Variants in CCND3 observed in about 807,000 individuals in gnomAD.
The protein encoded by CCND3 is cyclin D3, also known as G1/S-specific cyclin-D3.
Under a neutral mutation model 28.7 loss-of-function variants are expected in CCND3, and 9 were observed. That is an observed-to-expected ratio of 0.31 (90% CI 0.19 to 0.55). The LOEUF (loss-of-function observed/expected upper bound fraction) is 0.55, where lower values mean the gene tolerates loss of function less well. Among genes scored for constraint, CCND3 ranks in the 20% least tolerant of loss-of-function variants. The pLI, the probability that CCND3 is intolerant of heterozygous loss-of-function variation, is 0.93. For synonymous variants in CCND3, 164 were observed against 163.9 expected (o/e 1.00, Z 0.00); for missense variants, 315 against 385.8 (o/e 0.82, Z 1.54).
At chr6:41,951,437 CCAGCTACT>C (rs70987546) in intron 1 of CCND3, among the ~76,000 whole-genome samples, 87,046 of 148,566 alleles carry the variant, frequency 0.59, 25,973 homozygotes, top group African/African-American at 0.71. Context: ...GCCTGTAGTC[CCAGCTACT>C]CAGCTACTCG....
chr6:41,987,784 G>GA (rs1762532537), intron 1 of CCND3, among the ~76,000 whole-genome samples: 1 of 151,564 alleles, frequency 6.6e-6, no homozygotes, highest in Admixed American at 6.6e-5. Context: ...TTACAGGTGT[G>GA]AGCCAGCATG....
At chr6:42,036,666 AGT>A (rs1561998249) in intron 1 of CCND3, among the ~76,000 whole-genome samples, 1 of 151,692 alleles carries the variant, frequency 6.6e-6, no homozygotes. Context: ...GGCCTCCCAA[AGT>A]GCTGAGATTA....
intron 1 of CCND3, among the ~76,000 whole-genome samples, chr6:42,014,389 C>CAA (rs745518250): frequency 4.0e-5 from 6 of 151,778 alleles, no homozygotes; most frequent in Non-Finnish European, 8.8e-5. Context: ...CAAAACAAAA[C>CAA]AAAACAAAAC....
At chr6:42,020,733 C>T (rs967180000) in intron 1 of CCND3, among the ~76,000 whole-genome samples, 2 of 152,306 alleles carry the variant, frequency 1.3e-5, no homozygotes, top group South Asian at 4.1e-4. Flanking sequence ...AGCAGTCACC[C>T]CCTTTATCCA....
At chr6:41,980,837 A>G (rs1762325377) in intron 1 of CCND3, among the ~76,000 whole-genome samples, 1 of 152,188 alleles carries the variant, frequency 6.6e-6, no homozygotes, top group South Asian at 2.1e-4. Flanking sequence ...ACATCCATTC[A>G]TGATAAAAAC....
upstream of CCND3, among the ~76,000 whole-genome samples, chr6:41,942,269 A>G (rs1776058760): frequency 6.6e-6 from 1 of 152,272 alleles, no homozygotes; most frequent in South Asian, 2.1e-4. Context: ...GGCAACTGTC[A>G]TTCAGTTGGT....
intron 1 of CCND3, among the ~76,000 whole-genome samples, chr6:42,036,377 C>CTA (rs1162806893): frequency 0.022 from 1,322 of 59,580 alleles, 106 homozygotes; most frequent in Middle Eastern, 0.06. Context: ...TGCATATATA[C>CTA]TATATATATA....
intron 1 of CCND3, among the ~76,000 whole-genome samples, chr6:42,000,066 G>A (rs1762943691): frequency 6.6e-6 from 1 of 151,612 alleles, no homozygotes; most frequent in African/African-American, 2.4e-5. Flanking sequence ...GTGCATATGT[G>A]TATTGGAGAA....
intron 1 of CCND3, among the ~76,000 whole-genome samples, chr6:41,993,124 AACTC>A (rs1411810331): frequency 3.3e-5 from 5 of 151,998 alleles, no homozygotes; most frequent in African/African-American, 1.2e-4. Context: ...AATGGTCTTG[AACTC>A]CTGGCTCCAA....
Position 41,940,538 on chromosome 6 carries a change from C to T in CCND3, c.246G>A (p.Met82Ile), listed in dbSNP as rs748591266. The T allele has an allele frequency of 1.9e-6, 3 of 1,613,876 alleles. No homozygotes were observed. The highest frequency in any genetic ancestry group is 2.2e-5 in the South Asian group (2 of 91,080). The part of the protein sequence containing the change: ...RCEEEVFPLA[M>I]NYLDRYLSCV... ...AAGACAGGTAGCGATCCAGGTAGTT[C>T]ATGGCCAGGGGGAAGACTTCCTCCT... Residue 82 changes from methionine to isoleucine, a missense_variant, in exon 2 of 5, where the codon ATG becomes ATA. By Grantham distance (10) the Met-to-Ile change is conservative. Coordinates refer to ENST00000372991, the MANE Select transcript of CCND3 (RefSeq NM_001760.5).
intron 3 of CCND3, 157 bp downstream of exon 3, chr6:41,937,078 T>C: frequency 1.3e-6 from 1 of 781,828 alleles, no homozygotes; most frequent in Non-Finnish European, 2.1e-6. Context: ...ATATAGCTGA[T>C]TATAACCTGC....
At chr6:42,008,670 T>C (rs1047002114) in intron 1 of CCND3, among the ~76,000 whole-genome samples, 7 of 152,254 alleles carry the variant, frequency 4.6e-5, no homozygotes, top group African/African-American at 1.7e-4. Context: ...TGACTGCTGT[T>C]GATTGGTCTG....
At position 42,025,162 on chromosome 6, in the gene CCND3, C is replaced by T. The variant is rs191634230; in HGVS notation, c.-46+23339G>A. 2.6e-5 allele frequency among the ~76,000 whole-genome samples: 4 copies of T among 152,306 alleles called. No homozygotes were observed. In the East Asian group the frequency reaches 5.8e-4, roughly 22 times the overall value. ...GAATAAAGTGAGAGTGACCCATGCA[C>T]GCAGGCAGACAGAAGGTCTGGGATC... On this transcript the variant is annotated intron_variant, in intron 1 of 4. Coordinates refer to the CCND3 transcript ENST00000372988.
intron 1 of CCND3, among the ~76,000 whole-genome samples, chr6:42,009,650 C>A (rs981815945): frequency 3.1e-5 from 4 of 127,536 alleles, no homozygotes; most frequent in Non-Finnish European, 5.3e-5. Flanking sequence ...CAAAAACACA[C>A]AAAAAAATTA....
intron 1 of CCND3, among the ~76,000 whole-genome samples, chr6:41,990,715 C>T (rs1762621584): frequency 7.9e-6 from 1 of 126,190 alleles, no homozygotes; most frequent in African/African-American, 3.1e-5. Flanking sequence ...GCTCTGTCAC[C>T]CAGGCTGGAG....
intron 1 of CCND3, among the ~76,000 whole-genome samples, chr6:42,035,283 T>G (rs1357055316): frequency 6.6e-6 from 1 of 152,206 alleles, no homozygotes; most frequent in Admixed American, 6.5e-5. Flanking sequence ...TAATTACTAA[T>G]TTCCATTGCT....
chr6:41,998,970 C>T (rs577981201), intron 1 of CCND3, among the ~76,000 whole-genome samples: 35 of 152,076 alleles, frequency 2.3e-4, no homozygotes, highest in African/African-American at 6.3e-4. Context: ...TGAGCCACCC[C>T]GCCTGGCTGG....
At chr6:42,023,650 C>T (rs534803038) in intron 1 of CCND3, among the ~76,000 whole-genome samples, 2 of 152,148 alleles carry the variant, frequency 1.3e-5, no homozygotes, top group East Asian at 3.9e-4. Context: ...CTAGGGTAGC[C>T]GTATCCTTTG....
At chr6:41,940,251 G>A (rs1186494673) in intron 2 of CCND3, 119 bp downstream of exon 2, 1 of 874,342 alleles carries the variant, frequency 1.1e-6, no homozygotes, top group Non-Finnish European at 1.9e-6. Flanking sequence ...CTTTCCCAAA[G>A]GTCCTGATCC....
Sources: allele counts gnomAD v4.1 joint callset (sites outside exome capture counted in the v4.1 genomes callset), GRCh38; gene constraint gnomAD v4.1.1; transcripts MANE v1.5; gene names NCBI Gene and HGNC (gene_info 2026-07-23, HGNC 2026-07-21).